The following PRMT5 variants were observed in gnomAD, a reference collection of about 807,000 sequenced individuals.
The protein encoded by PRMT5 is protein arginine N-methyltransferase 5.
In PRMT5, 15 loss-of-function variants were observed where a neutral mutation model predicts 84.0. The observed-to-expected ratio is 0.18, with a 90% confidence interval of 0.12 to 0.28. The LOEUF (loss-of-function observed/expected upper bound fraction) is 0.28, where lower values mean the gene tolerates loss of function less well. Ranked by LOEUF, PRMT5 falls within the 10% of genes least tolerant of loss-of-function variation. The probability of loss-of-function intolerance (pLI) is 1.00; values close to 1 mark genes in which losing one functional copy is unlikely to be tolerated. For synonymous variants in PRMT5, 276 were observed against 292.4 expected, an observed-to-expected ratio of 0.94 and a Z score of 0.57; for missense variants, 486 against 808.0, an observed-to-expected ratio of 0.60 and a Z score of 4.83.
In PRMT5 at chr14:22,928,405, TC is replaced by T. The variant is rs1459104292; in HGVS notation, c.229+91del. ...TATATCCCAGGGACTAACAAATATA[TC>T]CAAGTCAGAAAAGGAGGAGAATGAG... is the stretch of plus-strand genomic sequence containing the variant. On this transcript the variant is annotated intron_variant, in intron 2 of 16. Transcript: ENST00000324366. The surrounding 1 kb of genome is among the most constrained non-coding windows in gnomAD (Gnocchi z 4.8). The T allele has an allele frequency of 3.5e-5, 44 of 1,241,194 alleles. No individual in the cohort carries two copies. The highest frequency in any genetic ancestry group is 4.8e-5 in the Non-Finnish European group (41 of 846,144). The allele number at this position is 1,241,194 out of a possible 1,614,324, so 76.9% of individuals were successfully genotyped here.
chr14:22,927,752 G>A, intron 3 of PRMT5, 92 bp from the exon 4 acceptor site: 1 of 1,443,560 alleles, frequency 6.9e-7, no homozygotes, highest in Non-Finnish European at 9.3e-7. Context: ...CTGTCACCCA[G>A]GCTGGAGTGC....
At chr14:22,926,872 G>T in intron 4 of PRMT5, 58 bp from the exon 5 acceptor site, 2 of 1,251,526 alleles carry the variant, frequency 1.6e-6, no homozygotes, top group Non-Finnish European at 2.3e-6. Context: ...GGTCCAGAAA[G>T]TTTCCCTCAA....
chr14:22,925,166 TA>T (rs147925144), intron 7 of PRMT5, 126 bp from the exon 8 acceptor site: 76,997 of 817,634 alleles, frequency 0.094, 2,176 homozygotes, highest in African/African-American at 0.26. Context: ...TTTTTTTTTT[TA>T]AAAAAAAAGA....
chr14:22,922,465 C>T lies in PRMT5; in HGVS notation c.1674G>A (p.Val558=). The change falls in exon 15 of 17, where the codon GTG becomes GTA. Residue 558 remains valine, a synonymous_variant. Transcript: ENST00000324366. ...LHGFAGYFET[V]LYQDITLSIR... ...CACTCAGAGTGATGTCCTGATAAAGCACAGTCTCAAAGTAGCCGGCAAAGC... is the reference window on the plus strand; with the variant it reads ...CACTCAGAGTGATGTCCTGATAAAGTACAGTCTCAAAGTAGCCGGCAAAGC... 6.2e-7 allele frequency: 1 copy of T among 1,613,378 alleles called. No individual in the cohort carries two copies.
chr14:22,927,968 C>T (rs1242828584), intron 3 of PRMT5, among the ~76,000 whole-genome samples, 158 bp downstream of exon 3: 1 of 152,120 alleles, frequency 6.6e-6, no homozygotes, highest in Non-Finnish European at 1.5e-5. Context: ...CTCAGCCTCC[C>T]AAAGTGCTAG....
intron 15 of PRMT5, 89 bp from the exon 16 acceptor site, chr14:22,922,329 A>ACAAG (rs2139218288): frequency 7.0e-7 from 1 of 1,434,220 alleles, no homozygotes; most frequent in Non-Finnish European, 9.8e-7. Flanking sequence ...AATCACACAA[A>ACAAG]GATCTCCATT....
intron 4 of PRMT5, 125 bp from the exon 5 acceptor site, chr14:22,926,939 A>G: frequency 1.5e-6 from 1 of 672,682 alleles, no homozygotes; most frequent in Admixed American, 2.6e-5. Flanking sequence ...CCCAATTTGT[A>G]ATTTTGTAAG....
chr14:22,921,235 T>A, intron 16 of PRMT5, 179 bp from the exon 17 acceptor site: 2 of 728,386 alleles, frequency 2.7e-6, no homozygotes, highest in Non-Finnish European at 4.4e-6. Flanking sequence ...TGTGAACATG[T>A]ACAGAGTCAG....
At position 22,928,933 on chromosome 14, in the gene PRMT5, T is replaced by G; in HGVS notation, c.111-318A>C. On this transcript the variant is annotated intron_variant, in intron 1 of 16. Coordinates refer to ENST00000324366, the MANE Select transcript of PRMT5 (RefSeq NM_006109.5). The surrounding 1 kb of genome is among the most constrained non-coding windows in gnomAD (Gnocchi z 4.8). ...GATTTGCCCCAGTTCTGCCCATGCC[T>G]CCCCCGTCAAAATTAGCCTCTTCTC... 1 of 609,620 alleles carries G rather than the reference T, an allele frequency of 1.6e-6. No homozygotes were observed. The highest frequency in any genetic ancestry group is 2.9e-6 in the Non-Finnish European group (1 of 349,158). The allele number at this position is 609,620 out of a possible 1,614,324, so 37.8% of individuals were successfully genotyped here.
At chr14:22,922,318 TA>T (rs1224805399) in intron 15 of PRMT5, 78 bp from the exon 16 acceptor site, 9 of 1,251,840 alleles carry the variant, frequency 7.2e-6, no homozygotes, top group Non-Finnish European at 9.1e-6. Flanking sequence ...GTCTCTTCTC[TA>T]ATCACACAAA....
At chr14:22,929,111 C>T in intron 1 of PRMT5, 141 bp downstream of exon 1, 3 of 1,602,912 alleles carry the variant, frequency 1.9e-6, no homozygotes, top group Non-Finnish European at 2.6e-6. Context: ...GTCCGAGGCT[C>T]CTCCCCTCCA....
intron 16 of PRMT5, among the ~76,000 whole-genome samples, chr14:22,921,617 GC>G (rs1220332724): frequency 6.6e-6 from 1 of 152,154 alleles, no homozygotes; most frequent in Non-Finnish European, 1.5e-5. Context: ...AGGCGCGGTG[GC>G]TCACGCCTGT....
chr14:22,928,132 G>A lies in PRMT5; in HGVS notation c.309C>T (p.Ser103=). Residue 103 remains serine (S), a synonymous_variant, in exon 3 of 17, where the codon TCC becomes TCT. Coordinates refer to ENST00000324366, the MANE Select transcript of PRMT5 (RefSeq NM_006109.5). The surrounding 1 kb of genome is among the most constrained non-coding windows in gnomAD (Gnocchi z 4.8). The part of the protein sequence containing the change: ...DSKVEKIRRN[S]EAAMLQELNF... ...AGAAGTCAAACAGTCTTACCGCCTC[G>A]GAGTTCCTGCGAATCTTCTCCACTT... 1 of 1,613,880 alleles carries A rather than the reference G, an allele frequency of 6.2e-7. No individual in the cohort carries two copies. Among genetic ancestry groups the A allele is most frequent in the Non-Finnish European group, 8.5e-7 (1 of 1,179,896 alleles).
intron 15 of PRMT5, 87 bp from the exon 16 acceptor site, chr14:22,922,327 A>AAACG (rs201506539): frequency 2.8e-6 from 4 of 1,433,494 alleles, no homozygotes; most frequent in Non-Finnish European, 3.9e-6. Flanking sequence ...CTAATCACAC[A>AAACG]AAGATCTCCA....
rs1454796843 is a variant in PRMT5, at chr14:22,923,307, A to C, written c.1376-147T>G. On this transcript the variant is annotated intron_variant, in intron 12 of 16. Coordinates refer to ENST00000324366, the MANE Select transcript of PRMT5 (RefSeq NM_006109.5). This position sits in a 1 kb window ranked among gnomAD's most constrained non-coding sequence, Gnocchi z 5.2. Reference sequence around the variant, plus strand: ...AAGAAAGAGACAAATGCATGTTGTCACATTACTAAGCCAGCCTGCTTCCAA... The same window carrying C: ...AAGAAAGAGACAAATGCATGTTGTCCCATTACTAAGCCAGCCTGCTTCCAA... The C allele has an allele frequency of 1.7e-6, 1 of 589,902 alleles. No homozygotes were observed. The highest frequency in any genetic ancestry group is 2.3e-5 in the South Asian group (1 of 42,726). The allele number at this position is 589,902 out of a possible 1,614,324, so 36.5% of individuals were successfully genotyped here. A position where few individuals can be genotyped will look rare whatever the true frequency, so the allele number is the denominator to read the frequency against.
chr14:22,924,454 C>T lies in PRMT5; in HGVS notation c.1076+25G>A. 1 of 1,613,842 alleles carries T rather than the reference C, an allele frequency of 6.2e-7. No homozygotes were observed. Among genetic ancestry groups the T allele is most frequent in the Non-Finnish European group, 8.5e-7 (1 of 1,179,800 alleles). ...TATACAGATATAGGTATGCAAGTCC[C>T]TGAGATTGAGGGGAAAGCACTCACT... On this transcript the variant is annotated intron_variant, in intron 10 of 16. Transcript: ENST00000324366. This position sits in a 1 kb window ranked among gnomAD's most constrained non-coding sequence, Gnocchi z 6.5.
chr14:22,925,180 G>GGCCGGGCGCGGTGGCTCACGCCTGT, intron 7 of PRMT5, 140 bp from the exon 8 acceptor site: 1 of 964,114 alleles, frequency 1.0e-6, no homozygotes, highest in Non-Finnish European at 1.5e-6. Flanking sequence ...AAAAAAGATG[G>GGCCGGGCGCGGTGGCTCACGCCTGT]AGTCTCGCTC....
At chr14:22,926,649 C>A in intron 5 of PRMT5, 53 bp downstream of exon 5, 1 of 1,594,848 alleles carries the variant, frequency 6.3e-7, no homozygotes, top group African/African-American at 1.3e-5. Flanking sequence ...GCACCCTGTA[C>A]TTCCCCTCAC....
chr14:22,924,523 A>G lies in PRMT5; in HGVS notation c.1032T>C (p.Cys344=). ...YSQYQQAIYK[C]LLDRVPEEEK... ...CCTCTTCTGGTACTCGGTCTAGCAG[A>G]CATTTATAGATGGCCTGGAGGGAGG... The change falls in exon 10 of 17, where the codon TGT becomes TGC. Residue 344 remains cysteine, a synonymous_variant. Transcript: ENST00000324366. The surrounding 1 kb of genome is among the most constrained non-coding windows in gnomAD (Gnocchi z 6.5). The G allele has an allele frequency of 6.2e-7, 1 of 1,614,092 alleles. No homozygotes were observed.
Sources: allele counts gnomAD v4.1 joint callset (sites outside exome capture counted in the v4.1 genomes callset), GRCh38; gene constraint gnomAD v4.1.1; non-coding constraint Gnocchi (gnomAD v3.1); transcripts MANE v1.5; gene names NCBI Gene and HGNC (gene_info 2026-07-23, HGNC 2026-07-21).